The following CAMTA1 variants were observed in gnomAD, a reference collection of about 807,000 sequenced individuals.
The protein encoded by CAMTA1 is calmodulin binding transcription activator 1, also known as calmodulin-binding transcription activator 1.
CAMTA1 carries 27 observed loss-of-function variants against 170.9 expected under a neutral mutation model. The ratio of observed to expected loss-of-function variants is 0.16; its 90% CI spans 0.12 to 0.22. The LOEUF (loss-of-function observed/expected upper bound fraction) is 0.22, where lower values mean the gene tolerates loss of function less well. CAMTA1 is among the 10% of genes least tolerant of loss of function. CAMTA1 has a pLI of 1.00. For missense variants in CAMTA1, 1,619 were observed against 2,217.2 expected, an observed-to-expected ratio of 0.73 and a Z score of 5.42; for synonymous variants, 833 against 891.5, an observed-to-expected ratio of 0.93 and a Z score of 1.17.
intron 3 of CAMTA1, among the ~76,000 whole-genome samples, chr1:7,071,620 C>T (rs1284176687): frequency 6.6e-6 from 1 of 152,152 alleles, no homozygotes; most frequent in African/African-American, 2.4e-5. Context: ...TAAAAATGGA[C>T]CGATTTACGC....
chr1:6,934,297 G>A lies in CAMTA1; in HGVS notation c.234+109087G>A, dbSNP rs1427452996. Among the ~76,000 whole-genome samples the A allele has an allele frequency of 6.6e-6, 1 of 152,212 alleles. No homozygotes were observed. Among genetic ancestry groups the A allele is most frequent in the Non-Finnish European group, 1.5e-5 (1 of 68,038 alleles). Reference sequence around the variant, plus strand: ...GGAAGGATGAGGCATGCTCCCGGAAGTTAGCATCGCTCATGGCCCTCAGTC... The same window carrying A: ...GGAAGGATGAGGCATGCTCCCGGAAATTAGCATCGCTCATGGCCCTCAGTC... On this transcript the variant is annotated intron_variant, in intron 3 of 22. Transcript: ENST00000303635. This position sits in a 1 kb window ranked among gnomAD's most constrained non-coding sequence, Gnocchi z 4.5.
chr1:7,260,937 T>C (rs943891118), intron 5 of CAMTA1, among the ~76,000 whole-genome samples: 2 of 152,232 alleles, frequency 1.3e-5, no homozygotes, highest in Admixed American at 1.3e-4. Context: ...ATGTATTTTA[T>C]TAAAGATTCT....
chr1:7,003,623 GAT>G (rs1382868777), intron 3 of CAMTA1, among the ~76,000 whole-genome samples: 1 of 151,172 alleles, frequency 6.6e-6, no homozygotes, highest in African/African-American at 2.4e-5. Context: ...AACTAAAAAA[GAT>G]AATCTCTCCT....
chr1:6,829,319 A>G (rs1181625415), intron 3 of CAMTA1, among the ~76,000 whole-genome samples: 1 of 152,212 alleles, frequency 6.6e-6, no homozygotes, highest in Non-Finnish European at 1.5e-5. Context: ...GGTAAGAGAG[A>G]TCGTTGGACC....
rs188489860 is a variant in CAMTA1 at position 6,954,596 on chromosome 1, G to A, written c.234+129386G>A. 3.4e-3 allele frequency among the ~76,000 whole-genome samples: 514 copies of A among 152,320 alleles called. 4 individuals are homozygous for A. The highest frequency in any genetic ancestry group is 0.011 in the African/African-American group (473 of 41,566). On this transcript the variant is annotated intron_variant, in intron 3 of 22. Transcript: ENST00000303635. ...CTGGTACATAGTAGCCCGAGTGGTGGGGAGTCTGCCAATGAGATGATAAAA... is the reference window on the plus strand; with the variant it reads ...CTGGTACATAGTAGCCCGAGTGGTGAGGAGTCTGCCAATGAGATGATAAAA...
intron 6 of CAMTA1, among the ~76,000 whole-genome samples, chr1:7,498,978 G>C (rs919559331): frequency 2.2e-5 from 3 of 136,416 alleles, no homozygotes; most frequent in Admixed American, 7.3e-5. Flanking sequence ...TGTGAGTCTG[G>C]TGTGCGTGTG....
In CAMTA1 at chr1:7,665,914, T is replaced by A. The variant is rs1659384874; in HGVS notation, c.2652+715T>A. 6.6e-6 allele frequency among the ~76,000 whole-genome samples: 1 copy of A among 152,000 alleles called. No homozygotes were observed. Among genetic ancestry groups the A allele is most frequent in the African/African-American group, 2.4e-5 (1 of 41,372 alleles). On this transcript the variant is annotated intron_variant, in intron 9 of 22. Transcript: ENST00000303635. This position sits in a 1 kb window ranked among gnomAD's most constrained non-coding sequence, Gnocchi z 4.3. Reference sequence around the variant, plus strand: ...CGGGCTCAGTGGCTCATGCCCATAATCCCAGCACTTTGGGAGGCCAAGGTG... The same window carrying A: ...CGGGCTCAGTGGCTCATGCCCATAAACCCAGCACTTTGGGAGGCCAAGGTG...
intron 4 of CAMTA1, among the ~76,000 whole-genome samples, chr1:7,152,128 A>T (rs1646613727): frequency 6.6e-6 from 1 of 152,192 alleles, no homozygotes; most frequent in Non-Finnish European, 1.5e-5. Flanking sequence ...AAAAAATTAG[A>T]ATCAGTCATT....
chr1:7,124,061 G>A (rs997407866), intron 4 of CAMTA1, among the ~76,000 whole-genome samples: 2 of 152,286 alleles, frequency 1.3e-5, no homozygotes, highest in East Asian at 1.9e-4. Context: ...GTCTCACCTC[G>A]CAGCTATAGT....
At chr1:7,261,309 T>C (rs984142864) in intron 5 of CAMTA1, among the ~76,000 whole-genome samples, 6 of 152,198 alleles carry the variant, frequency 3.9e-5, no homozygotes, top group African/African-American at 1.4e-4. Flanking sequence ...TGTGTTTCTA[T>C]TGATAACTTT....
intron 5 of CAMTA1, chr1:7,382,861 T>TAGAC (rs1299625574): frequency 7.4e-6 from 1 of 135,642 alleles, no homozygotes; most frequent in Non-Finnish European, 1.6e-5. Flanking sequence ...GATAGATAGA[T>TAGAC]AGATAGATAG....
At chr1:7,430,919 C>A (rs2092127551) in intron 5 of CAMTA1, among the ~76,000 whole-genome samples, 1 of 152,214 alleles carries the variant, frequency 6.6e-6, no homozygotes, top group Non-Finnish European at 1.5e-5. Flanking sequence ...TTGCAACATT[C>A]TCATTATATT....
intron 3 of CAMTA1, among the ~76,000 whole-genome samples, chr1:6,872,908 C>G (rs1218358592): frequency 6.6e-6 from 1 of 152,172 alleles, no homozygotes; most frequent in Non-Finnish European, 1.5e-5. Context: ...TAAATGAGTA[C>G]TGAAATGGAT....
chr1:7,398,185 CT>C (rs2089533876), intron 5 of CAMTA1, among the ~76,000 whole-genome samples: 2 of 46,542 alleles, frequency 4.3e-5, no homozygotes, highest in African/African-American at 1.7e-4. Context: ...CTCTCTCTCT[CT>C]CTCTCTCTAT....
chr1:6,876,101 TTTAG>T (rs1232237677), intron 3 of CAMTA1, among the ~76,000 whole-genome samples: 1 of 152,200 alleles, frequency 6.6e-6, no homozygotes, highest in Non-Finnish European at 1.5e-5. Flanking sequence ...CAGGTTTGAA[TTTAG>T]TTAGAGTGAA....
At chr1:7,074,282 C>T (rs547274979) in intron 3 of CAMTA1, among the ~76,000 whole-genome samples, 2 of 152,276 alleles carry the variant, frequency 1.3e-5, no homozygotes, top group African/African-American at 4.8e-5. Context: ...TTCCCTCATT[C>T]CTGTATTCAG....
chr1:6,860,127 T>G (rs1664101424), intron 3 of CAMTA1, among the ~76,000 whole-genome samples: 1 of 152,206 alleles, frequency 6.6e-6, no homozygotes, highest in Non-Finnish European at 1.5e-5. Context: ...TTTCTCCCTT[T>G]AGTCATCTGT....
rs936128484 is a variant in CAMTA1 at position 7,576,334 on chromosome 1, C to T, written c.511-64066C>T. Among the ~76,000 whole-genome samples, 9 of 152,248 alleles carry T rather than the reference C, an allele frequency of 5.9e-5. No homozygotes were observed. In the South Asian group the frequency reaches 1.2e-3, roughly 21 times the overall value. ...CAATTAAGGGCCTTCCTGTTACAGA[C>T]CAAATGTTTGTGTTGTCTCCCCAAA... On this transcript the variant is annotated intron_variant, in intron 6 of 22. Coordinates refer to ENST00000303635, the MANE Select transcript of CAMTA1 (RefSeq NM_015215.4).
intron 3 of CAMTA1, among the ~76,000 whole-genome samples, chr1:6,893,638 C>T (rs1016373954): frequency 2.0e-5 from 3 of 152,166 alleles, no homozygotes; most frequent in Admixed American, 6.5e-5. Flanking sequence ...TATGTTCCAT[C>T]GGGCTTCTGC....
Sources: allele counts gnomAD v4.1 joint callset (sites outside exome capture counted in the v4.1 genomes callset), GRCh38; gene constraint gnomAD v4.1.1; non-coding constraint Gnocchi (gnomAD v3.1); transcripts MANE v1.5; gene names NCBI Gene and HGNC (gene_info 2026-07-23, HGNC 2026-07-21).